Variants in SEMA5A observed in about 807,000 individuals in gnomAD.
SEMA5A encodes semaphorin-5A.
SEMA5A carries 55 observed loss-of-function variants against 135.5 expected under a neutral mutation model. The ratio of observed to expected loss-of-function variants is 0.41; its 90% CI spans 0.33 to 0.51. SEMA5A has a LOEUF of 0.51. Ranked by LOEUF, SEMA5A falls within the 20% of genes least tolerant of loss-of-function variation. SEMA5A has a pLI of 0.37. For synonymous variants in SEMA5A, 580 were observed against 546.5 expected, an observed-to-expected ratio of 1.06 and a Z score of -0.85; for missense variants, 1,290 against 1,419.9, an observed-to-expected ratio of 0.91 and a Z score of 1.47.
At chr5:9,312,039 T>A (rs186953068) in intron 5 of SEMA5A, among the ~76,000 whole-genome samples, 1 of 152,252 alleles carries the variant, frequency 6.6e-6, no homozygotes, top group East Asian at 1.9e-4. Flanking sequence ...TTAAATGAGC[T>A]CCAGCCCCTT....
chr5:9,525,890 G>C (rs900044997), intron 1 of SEMA5A, among the ~76,000 whole-genome samples: 1 of 152,184 alleles, frequency 6.6e-6, no homozygotes, highest in African/African-American at 2.4e-5. Context: ...TGAAATAATT[G>C]AGTCTAGAGC....
chr5:9,253,016 T>TA (rs1359746681), intron 5 of SEMA5A, among the ~76,000 whole-genome samples: 1 of 152,154 alleles, frequency 6.6e-6, no homozygotes, highest in Non-Finnish European at 1.5e-5. Context: ...TCCACCTCAT[T>TA]AGAGTCTCCT....
chr5:9,074,535 GT>G (rs1387437258), intron 16 of SEMA5A, among the ~76,000 whole-genome samples: 1 of 152,126 alleles, frequency 6.6e-6, no homozygotes, highest in Non-Finnish European at 1.5e-5. Context: ...AAGGATCACT[GT>G]TAAGAAAATT....
intron 1 of SEMA5A, among the ~76,000 whole-genome samples, chr5:9,537,501 T>C (rs1401226124): frequency 6.6e-6 from 1 of 152,182 alleles, no homozygotes; most frequent in East Asian, 1.9e-4. Flanking sequence ...CCCACCCCAC[T>C]GCCATCTAAT....
At chr5:9,072,224 G>A (rs1737807476) in intron 16 of SEMA5A, among the ~76,000 whole-genome samples, 1 of 152,162 alleles carries the variant, frequency 6.6e-6, no homozygotes, top group Non-Finnish European at 1.5e-5. Context: ...CAACTTATGG[G>A]AGACCCATGA....
chr5:9,230,680 A>G (rs1038448089), intron 6 of SEMA5A, among the ~76,000 whole-genome samples: 2 of 152,154 alleles, frequency 1.3e-5, no homozygotes, highest in African/African-American at 4.8e-5. Flanking sequence ...GTCTGTGCAG[A>G]ATTTTTATAA....
chr5:9,063,232 C>T (rs2150067239), intron 17 of SEMA5A, 127 bp from the exon 18 acceptor site: 1 of 941,960 alleles, frequency 1.1e-6, no homozygotes, highest in Admixed American at 2.2e-5. Context: ...TTCCGTTGAG[C>T]TCTTTTTACA....
chr5:9,324,663 G>A (rs1310164730), intron 4 of SEMA5A, among the ~76,000 whole-genome samples: 1 of 152,112 alleles, frequency 6.6e-6, no homozygotes, highest in Non-Finnish European at 1.5e-5. Flanking sequence ...CCTTCTAAAG[G>A]GGATAAAAAA....
At chr5:9,251,651 A>C (rs946512410) in intron 5 of SEMA5A, among the ~76,000 whole-genome samples, 1 of 152,206 alleles carries the variant, frequency 6.6e-6, no homozygotes, top group African/African-American at 2.4e-5. Flanking sequence ...AGTGGACACA[A>C]TGTTTCCAAG....
chr5:9,474,649 G>A (rs959605628), intron 1 of SEMA5A, among the ~76,000 whole-genome samples: 4 of 152,230 alleles, frequency 2.6e-5, no homozygotes, highest in African/African-American at 9.6e-5. Context: ...ATGTGCCCGT[G>A]ATTGCAGAAT....
chr5:9,159,699 T>C (rs998205965), intron 11 of SEMA5A, among the ~76,000 whole-genome samples: 2 of 152,182 alleles, frequency 1.3e-5, no homozygotes, highest in African/African-American at 2.4e-5. Context: ...ATCCCATTAA[T>C]GGGTATATAC....
intron 5 of SEMA5A, among the ~76,000 whole-genome samples, chr5:9,298,179 CAT>C (rs1751434954): frequency 6.8e-6 from 1 of 146,052 alleles, no homozygotes; most frequent in South Asian, 2.3e-4. Context: ...GGCCATAATC[CAT>C]ATGTGTCCTA....
intron 16 of SEMA5A, among the ~76,000 whole-genome samples, chr5:9,093,992 C>A (rs891392622): frequency 5.3e-5 from 8 of 152,188 alleles, no homozygotes; most frequent in Non-Finnish European, 1.0e-4. Context: ...GTGCCCTTGA[C>A]CCTCACTTCC....
intron 4 of SEMA5A, among the ~76,000 whole-genome samples, chr5:9,326,534 A>C (rs1752884470): frequency 6.6e-6 from 1 of 150,412 alleles, no homozygotes. Context: ...GATTACAGGC[A>C]TGAGGGAGGC....
intron 20 of SEMA5A, among the ~76,000 whole-genome samples, chr5:9,051,008 T>C (rs1024413928): frequency 1.3e-5 from 2 of 152,252 alleles, no homozygotes; most frequent in African/African-American, 4.8e-5. Context: ...TTTTAACTCC[T>C]GAGGATAAAA....
At chr5:9,121,074 G>A (rs1740791397) in intron 14 of SEMA5A, among the ~76,000 whole-genome samples, 1 of 152,102 alleles carries the variant, frequency 6.6e-6, no homozygotes, top group Non-Finnish European at 1.5e-5. Flanking sequence ...GACCATGCCA[G>A]GCCACAAATG....
intron 8 of SEMA5A, among the ~76,000 whole-genome samples, chr5:9,213,517 C>T (rs114957838): frequency 9.1e-4 from 139 of 152,292 alleles, no homozygotes; most frequent in African/African-American, 3.1e-3. Context: ...TGAGCAAAGA[C>T]TCAAAAAAGA....
At chr5:9,513,492 G>T (rs1736332552) in intron 1 of SEMA5A, among the ~76,000 whole-genome samples, 1 of 152,168 alleles carries the variant, frequency 6.6e-6, no homozygotes. Context: ...ACACATGTTT[G>T]TGTTTAGGGG....
At chr5:9,208,429 A>T (rs184325679) in intron 8 of SEMA5A, among the ~76,000 whole-genome samples, 3 of 152,330 alleles carry the variant, frequency 2.0e-5, no homozygotes, top group Non-Finnish European at 1.5e-5. Flanking sequence ...TGATAGACAC[A>T]GCCCGTGCCC....
Sources: gnomAD v4.1 joint callset for allele counts (sites outside exome capture counted in the v4.1 genomes callset) on GRCh38, gnomAD v4.1.1 for gene constraint, MANE v1.5 for transcripts, NCBI Gene and HGNC (gene_info 2026-07-23, HGNC 2026-07-21) for gene names.